The following TRIM26 variants were observed in gnomAD, a reference collection of about 807,000 sequenced individuals.
The protein encoded by TRIM26 is tripartite motif containing 26, also known as tripartite motif-containing protein 26.
In TRIM26, 16 loss-of-function variants were observed where a neutral mutation model predicts 45.5. The observed-to-expected ratio is 0.35, with a 90% confidence interval of 0.24 to 0.53. The LOEUF is 0.53. Ranked by LOEUF, TRIM26 falls within the 20% of genes least tolerant of loss-of-function variation. TRIM26 has a pLI of 0.92. For synonymous variants in TRIM26, 273 were observed against 290.4 expected, an observed-to-expected ratio of 0.94 and a Z score of 0.61; for missense variants, 442 against 691.1, an observed-to-expected ratio of 0.64 and a Z score of 4.04.
chr6:30,198,687 C>T lies in TRIM26; in HGVS notation c.417G>A (p.Glu139=). The change falls in exon 4 of 10, where the codon GAG becomes GAA. Residue 139 remains glutamate (E), a synonymous_variant. Coordinates refer to ENST00000454678, the MANE Select transcript of TRIM26 (RefSeq NM_003449.5). This position sits in a 1 kb window ranked among gnomAD's most constrained non-coding sequence, Gnocchi z 6.3. Reference sequence around the variant, plus strand: ...TTACCCTGTGGGGCTGGGCGGCCTTCTCCATGAGGACGGCCGTGTGGGGCC... The same window carrying T: ...TTACCCTGTGGGGCTGGGCGGCCTTTTCCATGAGGACGGCCGTGTGGGGCC... The part of the protein sequence containing the change: ...EHRPHTAVLM[E]KAAQPHREKI... 1 of 1,604,770 alleles carries T rather than the reference C, an allele frequency of 6.2e-7. No homozygotes were observed. The highest frequency in any genetic ancestry group is 8.5e-7 in the Non-Finnish European group (1 of 1,178,874).
Position 30,185,444 on chromosome 6 carries a change from G to A in TRIM26, c.*432C>T, listed in dbSNP as rs57574733. ...AAAATGCCAGGGAAGGTGGGCAGCAGAGTGGATTTGTGCAAGAAGGAACCT... is the reference window on the plus strand; with the variant it reads ...AAAATGCCAGGGAAGGTGGGCAGCAAAGTGGATTTGTGCAAGAAGGAACCT... On this transcript the variant is annotated 3_prime_UTR_variant, in exon 10 of 10. Transcript: ENST00000454678. This position sits in a 1 kb window ranked among gnomAD's most constrained non-coding sequence, Gnocchi z 5.7. 1.1e-5 allele frequency: 2 copies of A among 184,764 alleles called. No homozygotes were observed. The highest frequency in any genetic ancestry group is 2.2e-5 in the Non-Finnish European group (2 of 90,470). The allele number at this position is 184,764 out of a possible 1,614,324, so 11.4% of individuals were successfully genotyped here. A position where few individuals can be genotyped will look rare whatever the true frequency, so the allele number is the denominator to read the frequency against.
At position 30,190,809 on chromosome 6, in the gene TRIM26, C is replaced by T. The variant is rs181137369; in HGVS notation, c.766-774G>A. ...CATCCCTAGAAGCTGGTGGAAGAAC[C>T]ACATGGAAGTAACCCAGTCCCTTGG... On this transcript the variant is annotated intron_variant, in intron 6 of 9. Transcript: ENST00000454678. The surrounding 1 kb of genome is among the most constrained non-coding windows in gnomAD (Gnocchi z 4.3). Among the ~76,000 whole-genome samples, 115 of 152,290 alleles carry T rather than the reference C, an allele frequency of 7.6e-4. 1 individual carries two copies. The highest frequency in any genetic ancestry group is 2.6e-3 in the African/African-American group (110 of 41,560).
At position 30,185,432 on chromosome 6, in the gene TRIM26, A is replaced by C; in HGVS notation, c.*444T>G. On this transcript the variant is annotated 3_prime_UTR_variant, in exon 10 of 10. Coordinates refer to ENST00000454678, the MANE Select transcript of TRIM26 (RefSeq NM_003449.5). This position sits in a 1 kb window ranked among gnomAD's most constrained non-coding sequence, Gnocchi z 5.7. ...GTAGGTCTGTTTAAAATGCCAGGGA[A>C]GGTGGGCAGCAGAGTGGATTTGTGC... is the stretch of plus-strand genomic sequence containing the variant. The C allele has an allele frequency of 2.3e-5, 4 of 174,748 alleles. No individual in the cohort carries two copies. The highest frequency in any genetic ancestry group is 4.8e-5 in the Non-Finnish European group (4 of 83,852). The allele number at this position is 174,748 out of a possible 1,614,324, so 10.8% of individuals were successfully genotyped here.
intron 2 of TRIM26, among the ~76,000 whole-genome samples, chr6:30,203,587 T>C (rs938882824): frequency 1.3e-5 from 2 of 151,966 alleles, no homozygotes; most frequent in African/African-American, 4.8e-5. Flanking sequence ...GGCTAATTTT[T>C]TGTAGTTTTA....
At position 30,196,711 on chromosome 6, in the gene TRIM26, A is replaced by T. The variant is rs1776506656; in HGVS notation, c.570T>A (p.Ala190=). ...GGAACTGATGACCCTGCTCAAACTCAGCCACAATGTACTGCCTCTGGTCCT... is the reference window on the plus strand; with the variant it reads ...GGAACTGATGACCCTGCTCAAACTCTGCCACAATGTACTGCCTCTGGTCCT... ...KLQDQRQYIV[A]EFEQGHQFLR... Residue 190 remains alanine (A), a synonymous_variant, in exon 6 of 10, where the codon GCT becomes GCA. Coordinates refer to ENST00000454678, the MANE Select transcript of TRIM26 (RefSeq NM_003449.5). The surrounding 1 kb of genome is among the most constrained non-coding windows in gnomAD (Gnocchi z 4.9). The T allele has an allele frequency of 6.2e-7, 1 of 1,614,104 alleles. No homozygotes were observed. The highest frequency in any genetic ancestry group is 1.3e-5 in the African/African-American group (1 of 74,924).
intron 1 of TRIM26, among the ~76,000 whole-genome samples, chr6:30,206,268 C>T (rs1301775165): frequency 6.6e-6 from 1 of 152,252 alleles, no homozygotes; most frequent in Non-Finnish European, 1.5e-5. Context: ...GGCCAAAGGC[C>T]TGGATCCCAG....
chr6:30,191,163 C>T lies in TRIM26; in HGVS notation c.766-1128G>A, dbSNP rs146283354. Reference sequence around the variant, plus strand: ...ACTGGACATACTGGTCAAGGATAAACAAGAACAGAGCATGGTTTGTACAGG... The same window carrying T: ...ACTGGACATACTGGTCAAGGATAAATAAGAACAGAGCATGGTTTGTACAGG... On this transcript the variant is annotated intron_variant, in intron 6 of 9. Coordinates refer to ENST00000454678, the MANE Select transcript of TRIM26 (RefSeq NM_003449.5). Among the ~76,000 whole-genome samples, 323 of 152,164 alleles carry T rather than the reference C, an allele frequency of 2.1e-3. 5 individuals are homozygous for T. The highest frequency in any genetic ancestry group is 9.9e-3 in the East Asian group (51 of 5,172).
In TRIM26 at chr6:30,208,383, GGTT is replaced by G. The variant is rs1386924067; in HGVS notation, c.-375-3621_-375-3619del. ...AAGAAAAAGCTGTGTCTGAGAAAAT[GGTT>G]GTTGTGGAGTAAATTGTAATAGTGA... On this transcript the variant is annotated intron_variant, in intron 1 of 9. Transcript: ENST00000454678. 2.0e-5 allele frequency among the ~76,000 whole-genome samples: 3 copies of G among 152,228 alleles called. No homozygotes were observed. In the East Asian group the frequency reaches 5.8e-4, roughly 29 times the overall value.
At chr6:30,205,750 G>A (rs1777663359) in intron 1 of TRIM26, among the ~76,000 whole-genome samples, 1 of 152,208 alleles carries the variant, frequency 6.6e-6, no homozygotes. Context: ...GTTGAGGCAG[G>A]AGGATCTCCC....
At position 30,189,834 on chromosome 6, in the gene TRIM26, G is replaced by C; in HGVS notation, c.788+179C>G. Reference sequence around the variant, plus strand: ...GCTACACAGAGAACCATAAGGAGGAGAGCAAGTCTCCAGTTCTCAATGATG... The same window carrying C: ...GCTACACAGAGAACCATAAGGAGGACAGCAAGTCTCCAGTTCTCAATGATG... On this transcript the variant is annotated intron_variant, in intron 7 of 9. Coordinates refer to ENST00000454678, the MANE Select transcript of TRIM26 (RefSeq NM_003449.5). This position sits in a 1 kb window ranked among gnomAD's most constrained non-coding sequence, Gnocchi z 5.0. 1.4e-6 allele frequency: 1 copy of C among 730,978 alleles called. No homozygotes were observed. Among genetic ancestry groups the C allele is most frequent in the South Asian group, 1.8e-5 (1 of 56,780 alleles). 45.3% of individuals were successfully genotyped at this position (730,978 alleles called of 1,614,324 possible).
Position 30,186,559 on chromosome 6 carries a change from C to CT in TRIM26, c.938-2dup. ...GACTGTGGGTCCAGGGTGACGCTCA[C>CT]TGTGGGGACAAGGGAAAAAAAAAAA... On this transcript the variant is annotated splice_acceptor_variant, in intron 9 of 9. Coordinates refer to ENST00000454678, the MANE Select transcript of TRIM26 (RefSeq NM_003449.5). LOFTEE classifies it high-confidence loss of function. This position sits in a 1 kb window ranked among gnomAD's most constrained non-coding sequence, Gnocchi z 7.4. 1 of 1,494,442 alleles carries CT rather than the reference C, an allele frequency of 6.7e-7. No individual in the cohort carries two copies. The highest frequency in any genetic ancestry group is 8.9e-7 in the Non-Finnish European group (1 of 1,127,884). 92.6% of individuals were successfully genotyped at this position (1,494,442 alleles called of 1,614,324 possible). A position where few individuals can be genotyped will look rare whatever the true frequency, so the allele number is the denominator to read the frequency against.
intron 6 of TRIM26, among the ~76,000 whole-genome samples, chr6:30,195,582 G>A (rs189448962): frequency 5.3e-5 from 8 of 152,300 alleles, no homozygotes; most frequent in East Asian, 3.9e-4. Context: ...CAACAATGAG[G>A]AGCAGGTGGC....
At chr6:30,188,290 G>A in intron 9 of TRIM26, 2 of 461,874 alleles carry the variant, frequency 4.3e-6, no homozygotes, top group East Asian at 4.4e-5. Flanking sequence ...TTCTTGCAAA[G>A]CATCATCTGT....
At chr6:30,193,486 T>C (rs1242097786) in intron 6 of TRIM26, among the ~76,000 whole-genome samples, 1 of 151,878 alleles carries the variant, frequency 6.6e-6, no homozygotes, top group Non-Finnish European at 1.5e-5. Context: ...GGCTGTAGTA[T>C]ATTTTGAAGT....
rs916456274 is a variant in TRIM26 at position 30,185,799 on chromosome 6, C to T, written c.*77G>A. The T allele has an allele frequency of 4.0e-6, 6 of 1,500,818 alleles. No homozygotes were observed. The highest frequency in any genetic ancestry group is 4.2e-5 in the Admixed American group (2 of 48,096). The allele number at this position is 1,500,818 out of a possible 1,614,324, so 93.0% of individuals were successfully genotyped here. On this transcript the variant is annotated 3_prime_UTR_variant, in exon 10 of 10. Coordinates refer to ENST00000454678, the MANE Select transcript of TRIM26 (RefSeq NM_003449.5). The surrounding 1 kb of genome is among the most constrained non-coding windows in gnomAD (Gnocchi z 5.7). Reference sequence around the variant, plus strand: ...CTCCAGGTGCTTAGGCCAGGCATCCCGTCCCCCCATTGAGAGTCCTGGAAT... The same window carrying T: ...CTCCAGGTGCTTAGGCCAGGCATCCTGTCCCCCCATTGAGAGTCCTGGAAT...
intron 9 of TRIM26, among the ~76,000 whole-genome samples, 185 bp downstream of exon 9, chr6:30,188,982 T>C (rs776306604): frequency 6.6e-6 from 1 of 152,042 alleles, no homozygotes; most frequent in African/African-American, 2.4e-5. Flanking sequence ...CAGAGGCCTC[T>C]ACTGCAGACT....
At chr6:30,205,412 C>G (rs2127528689) in intron 1 of TRIM26, among the ~76,000 whole-genome samples, 1 of 152,312 alleles carries the variant, frequency 6.6e-6, no homozygotes, top group East Asian at 1.9e-4. Context: ...CACCCCTCCC[C>G]TATAAGTCTC....
In TRIM26 at chr6:30,196,185, C is replaced by T. The variant is rs1285390148; in HGVS notation, c.765+331G>A. Reference sequence around the variant, plus strand: ...GCTTCCACCAGCTGCTAAGTGTCTGCCAATGACTTGTTAAGAGGGCTTGTG... The same window carrying T: ...GCTTCCACCAGCTGCTAAGTGTCTGTCAATGACTTGTTAAGAGGGCTTGTG... On this transcript the variant is annotated intron_variant, in intron 6 of 9. Coordinates refer to ENST00000454678, the MANE Select transcript of TRIM26 (RefSeq NM_003449.5). This position sits in a 1 kb window ranked among gnomAD's most constrained non-coding sequence, Gnocchi z 4.9. Among the ~76,000 whole-genome samples, 1 of 152,190 alleles carries T rather than the reference C, an allele frequency of 6.6e-6. No homozygotes were observed. Among genetic ancestry groups the T allele is most frequent in the Non-Finnish European group, 1.5e-5 (1 of 68,044 alleles).
chr6:30,187,837 G>A (rs1487961723), intron 9 of TRIM26, among the ~76,000 whole-genome samples: 1 of 146,318 alleles, frequency 6.8e-6, no homozygotes, highest in Non-Finnish European at 1.5e-5. Context: ...AGAATGGCGT[G>A]AACCTGGGAG....
Sources: gnomAD v4.1 joint callset for allele counts (sites outside exome capture counted in the v4.1 genomes callset) on GRCh38, gnomAD v4.1.1 for gene constraint, Gnocchi (gnomAD v3.1) non-coding constraint, MANE v1.5 for transcripts, NCBI Gene and HGNC (gene_info 2026-07-23, HGNC 2026-07-21) for gene names.